Variants in TRRAP observed in about 807,000 individuals in gnomAD.
The protein encoded by TRRAP is transformation/transcription domain associated protein, also known as transformation/transcription domain-associated protein.
Under a neutral mutation model 438.8 loss-of-function variants are expected in TRRAP, and 41 were observed. The observed-to-expected ratio is 0.09, with a 90% CI of 0.07 to 0.12. The LOEUF (loss-of-function observed/expected upper bound fraction) is 0.12, where lower values mean the gene tolerates loss of function less well. Ranked by LOEUF, TRRAP falls within the 10% of genes least tolerant of loss-of-function variation. TRRAP has a pLI of 1.00. For synonymous variants in TRRAP, 1,994 were observed against 1,962.9 expected (o/e 1.02, Z -0.42); for missense variants, 3,122 against 5,055.1 (o/e 0.62, Z 11.60).
chr7:98,937,153 A>C lies in TRRAP; in HGVS notation c.4112-3A>C. ...GGAATTGTCTTGATTTCTCTCCCTGAAGATGCACTTGCTGCCTGCAATTAC... is the reference window on the plus strand; with the variant it reads ...GGAATTGTCTTGATTTCTCTCCCTGCAGATGCACTTGCTGCCTGCAATTAC... On this transcript the variant is annotated splice_region_variant and splice_polypyrimidine_tract_variant and intron_variant, in intron 28 of 72. Coordinates refer to ENST00000456197, the MANE Select transcript of TRRAP (RefSeq NM_001375524.1). 1.2e-6 allele frequency: 2 copies of C among 1,603,428 alleles called. No homozygotes were observed. Among genetic ancestry groups the C allele is most frequent in the Non-Finnish European group, 1.7e-6 (2 of 1,176,342 alleles).
At chr7:98,899,012 A>G (rs1274898270) in intron 8 of TRRAP, among the ~76,000 whole-genome samples, 2 of 152,074 alleles carry the variant, frequency 1.3e-5, no homozygotes, top group Admixed American at 6.6e-5. Context: ...ACATGGCAAA[A>G]CCGCATCTCT....
chr7:99,005,127 G>A lies in TRRAP; in HGVS notation c.10536-4G>A. 2.5e-6 allele frequency: 4 copies of A among 1,612,994 alleles called. No homozygotes were observed. The highest frequency in any genetic ancestry group is 3.4e-6 in the Non-Finnish European group (4 of 1,179,868). On this transcript the variant is annotated splice_polypyrimidine_tract_variant and splice_region_variant and intron_variant, in intron 68 of 72. Transcript: ENST00000456197. This position sits in a 1 kb window ranked among gnomAD's most constrained non-coding sequence, Gnocchi z 5.1. ...CATGTCCTCATGGCTTCTCGCTCTG[G>A]CAGGTTCATGCCCCGGGTAGAGATT...
rs1792346063 is a variant in TRRAP, at chr7:98,970,138, C to T, written c.7539C>T (p.Ser2513=). ...TGCTTCTGGCCGTGTGTGAGAAGAG[C>T]ACCCCCATTGGCACCAGCTGCCAAG... is the stretch of plus-strand genomic sequence containing the variant. ...IELLLAVCEK[S]TPIGTSCQGA... is the part of the protein sequence containing the mutation. The change falls in exon 52 of 73, where the codon AGC becomes AGT. Residue 2513 remains serine (S), a synonymous_variant. Transcript: ENST00000456197. The T allele has an allele frequency of 2.5e-6, 4 of 1,613,880 alleles. No individual in the cohort carries two copies. Among genetic ancestry groups the T allele is most frequent in the Non-Finnish European group, 3.4e-6 (4 of 1,179,992 alleles).
chr7:98,909,284 A>G (rs1440947966), intron 14 of TRRAP, among the ~76,000 whole-genome samples: 2 of 152,054 alleles, frequency 1.3e-5, no homozygotes, highest in East Asian at 3.9e-4. Flanking sequence ...TCAGCCTCCC[A>G]AAGTGCTGGG....
chr7:98,891,197 A>ATT (rs1562927497), intron 4 of TRRAP, among the ~76,000 whole-genome samples: 1 of 102,338 alleles, frequency 9.8e-6, no homozygotes, highest in South Asian at 3.1e-4. Flanking sequence ...TAGTCCATAT[A>ATT]TATATATTTT....
At chr7:98,906,542 C>T (rs527674767) in intron 13 of TRRAP, among the ~76,000 whole-genome samples, 4 of 152,090 alleles carry the variant, frequency 2.6e-5, no homozygotes, top group African/African-American at 9.6e-5. Flanking sequence ...AGCAATTCTC[C>T]CTGCCTCAGC....
intron 30 of TRRAP, 136 bp downstream of exon 30, chr7:98,937,956 C>T: frequency 1.0e-6 from 1 of 990,434 alleles, no homozygotes; most frequent in Non-Finnish European, 1.4e-6. Flanking sequence ...GGGTGGATCG[C>T]TTGCAGTTGG....
At position 98,956,109 on chromosome 7, in the gene TRRAP, C is replaced by T. The variant is rs1554419663; in HGVS notation, c.5938-37C>T. The T allele has an allele frequency of 1.4e-6, 2 of 1,473,348 alleles. No individual in the cohort carries two copies. The highest frequency in any genetic ancestry group is 2.4e-5 in the East Asian group (1 of 41,576). The allele number at this position is 1,473,348 out of a possible 1,614,324, so 91.3% of individuals were successfully genotyped here. A position where few individuals can be genotyped will look rare whatever the true frequency, so the allele number is the denominator to read the frequency against. ...CGTGCATGCACTGTGGGACCAAGCT[C>T]CCATGTTCCGGCGTGATGCTGGCCC... is the stretch of plus-strand genomic sequence containing the variant. On this transcript the variant is annotated intron_variant, in intron 41 of 72. Coordinates refer to ENST00000456197, the MANE Select transcript of TRRAP (RefSeq NM_001375524.1). This position sits in a 1 kb window ranked among gnomAD's most constrained non-coding sequence, Gnocchi z 4.5.
intron 11 of TRRAP, among the ~76,000 whole-genome samples, chr7:98,901,574 A>C (rs1554406678): frequency 6.6e-6 from 1 of 152,200 alleles, no homozygotes; most frequent in Non-Finnish European, 1.5e-5. Flanking sequence ...TTTGAGATAG[A>C]ATCTCACTCT....
Position 99,005,959 on chromosome 7 carries a change from G to A in TRRAP, c.10753+611G>A, listed in dbSNP as rs576914140. Among the ~76,000 whole-genome samples, 754 of 152,274 alleles carry A rather than the reference G, an allele frequency of 5.0e-3. 4 individuals carry two copies. The highest frequency in any genetic ancestry group is 0.012 in the South Asian group (60 of 4,826). The stretch of plus-strand genomic sequence containing the variant: ...CCAGCGAGGCAGCAGCATGCATCAG[G>A]TTTCCAGCGCGCCTCTAGCTGCTTC... On this transcript the variant is annotated intron_variant, in intron 69 of 72. Coordinates refer to ENST00000456197, the MANE Select transcript of TRRAP (RefSeq NM_001375524.1). The surrounding 1 kb of genome is among the most constrained non-coding windows in gnomAD (Gnocchi z 5.1).
At chr7:98,954,484 G>A (rs1791498166) in intron 40 of TRRAP, among the ~76,000 whole-genome samples, 1 of 152,192 alleles carries the variant, frequency 6.6e-6, no homozygotes, top group Non-Finnish European at 1.5e-5. Context: ...CCTCCCATGG[G>A]TCGTTGAGCT....
intron 31 of TRRAP, among the ~76,000 whole-genome samples, chr7:98,945,001 CA>C (rs1467403881): frequency 6.6e-6 from 1 of 152,068 alleles, no homozygotes; most frequent in Non-Finnish European, 1.5e-5. Context: ...GATGGGGTTT[CA>C]CTTTGTTGGC....
At chr7:98,901,469 T>C in intron 11 of TRRAP, among the ~76,000 whole-genome samples, 1 of 152,264 alleles carries the variant, frequency 6.6e-6, no homozygotes, top group Admixed American at 6.5e-5. Context: ...ATTGTGTGGA[T>C]GTATCATGGT....
chr7:98,982,703 A>G (rs916282712), intron 59 of TRRAP, among the ~76,000 whole-genome samples: 2 of 152,218 alleles, frequency 1.3e-5, no homozygotes, highest in African/African-American at 4.8e-5. Context: ...TTTGGTGCCA[A>G]CAGCGCATCT....
intron 30 of TRRAP, 58 bp downstream of exon 30, chr7:98,937,878 A>T (rs898250397): frequency 3.4e-6 from 5 of 1,491,418 alleles, no homozygotes; most frequent in Non-Finnish European, 3.6e-6. Context: ...AAATTATTTT[A>T]AAAATAAATA....
rs529828870 is a variant in TRRAP at position 98,908,731 on chromosome 7, C to T, written c.1119C>T (p.Pro373=). The T allele has an allele frequency of 7.1e-6, 11 of 1,548,470 alleles. No individual in the cohort carries two copies. Among genetic ancestry groups the T allele is most frequent in the Middle Eastern group, 1.7e-4 (1 of 5,990 alleles). Residue 373 remains proline, a synonymous_variant, in exon 14 of 73, where the codon CCC becomes CCT. Coordinates refer to ENST00000456197, the MANE Select transcript of TRRAP (RefSeq NM_001375524.1). The surrounding 1 kb of genome is among the most constrained non-coding windows in gnomAD (Gnocchi z 4.1). ...TAGTCGAGGTCTCTGCCCGCAGGCCCCTCGCCTACAGCACGCTGGCCGACC... is the reference window on the plus strand; with the variant it reads ...TAGTCGAGGTCTCTGCCCGCAGGCCTCTCGCCTACAGCACGCTGGCCGACC... ...SGYTARETLR[P]LAYSTLADLV... is the part of the protein sequence containing the mutation.
intron 53 of TRRAP, among the ~76,000 whole-genome samples, chr7:98,975,154 G>C (rs756475477): frequency 6.6e-6 from 1 of 152,216 alleles, no homozygotes; most frequent in Non-Finnish European, 1.5e-5. Context: ...GTCCTCACAG[G>C]GCAGCCTGAT....
intron 20 of TRRAP, among the ~76,000 whole-genome samples, chr7:98,918,291 C>T (rs1789613825): frequency 7.3e-6 from 1 of 136,516 alleles, no homozygotes; most frequent in African/African-American, 2.9e-5. Context: ...AGTGCAGAGG[C>T]GCGATCTCGG....
chr7:98,889,539 T>A (rs1554404481), intron 3 of TRRAP, among the ~76,000 whole-genome samples: 1 of 20,072 alleles, frequency 5.0e-5, no homozygotes, highest in South Asian at 2.4e-3. Context: ...CCTATTCTCC[T>A]TTTTTTTTTT....
Sources: allele counts gnomAD v4.1 joint callset (sites outside exome capture counted in the v4.1 genomes callset), GRCh38; gene constraint gnomAD v4.1.1; non-coding constraint Gnocchi (gnomAD v3.1); transcripts MANE v1.5; gene names NCBI Gene and HGNC (gene_info 2026-07-23, HGNC 2026-07-21).